DGKK: variants seen among roughly 807,000 people sequenced by gnomAD.
The protein encoded by DGKK is diacylglycerol kinase kappa.
In DGKK, 35 loss-of-function variants were observed where a neutral mutation model predicts 92.2. That is an observed-to-expected ratio of 0.38 (90% confidence interval 0.29 to 0.50). DGKK has a LOEUF of 0.50. DGKK is among the 20% of genes least tolerant of loss of function. The probability of loss-of-function intolerance (pLI) is 0.92; values close to 1 mark genes in which losing one functional copy is unlikely to be tolerated. For missense variants in DGKK, 910 were observed against 992.2 expected, an observed-to-expected ratio of 0.92 and a Z score of 1.11; for synonymous variants, 368 against 360.6, an observed-to-expected ratio of 1.02 and a Z score of -0.23.
At chrX:50,465,506 C>T (rs1385083366) in intron 1 of DGKK, among the ~76,000 whole-genome samples, 7 of 107,665 alleles carry the variant, frequency 6.5e-5, no homozygotes, top group African/African-American at 2.0e-4. Context: ...TTGGAAAGGT[C>T]GGGCACCCTA....
chrX:50,424,367 T>C lies in DGKK; in HGVS notation c.646-9A>G, dbSNP rs369795795. 1.2e-4 allele frequency: 140 copies of C among 1,192,662 alleles called. No individual in the cohort carries two copies. Among genetic ancestry groups the C allele is most frequent in the Non-Finnish European group, 1.5e-4 (133 of 879,956 alleles). On this transcript the variant is annotated splice_polypyrimidine_tract_variant and intron_variant, in intron 1 of 27. Coordinates refer to ENST00000611977, the MANE Select transcript of DGKK (RefSeq NM_001013742.4). ...CCTTCCTTCAATATTTTCTGAAAGA[T>C]AGAAGCATGGTGTTGAGCAATTAGA...
intron 1 of DGKK, among the ~76,000 whole-genome samples, chrX:50,453,171 C>A (rs1557232587): frequency 4.5e-5 from 5 of 111,297 alleles, no homozygotes; most frequent in Non-Finnish European, 1.9e-5. Context: ...GAACCTAGAT[C>A]ATTTCTAGGC....
chrX:50,388,143 G>T (rs1473653510), intron 13 of DGKK, among the ~76,000 whole-genome samples: 2 of 112,145 alleles, frequency 1.8e-5, no homozygotes, highest in Non-Finnish European at 3.8e-5. Context: ...TTAGAAGGGG[G>T]AATGTGTTCC....
chrX:50,404,046 T>A lies in DGKK; in HGVS notation c.1078+3A>T. On this transcript the variant is annotated splice_donor_region_variant and intron_variant, in intron 5 of 27. Transcript: ENST00000611977. ...TCACTTCCTAAAGGAATCAGAAAGG[T>A]ACCTTCACAGATGATGGCATCTCTA... 8.3e-7 allele frequency: 1 copy of A among 1,209,524 alleles called. No individual in the cohort carries two copies. The highest frequency in any genetic ancestry group is 1.8e-5 in the South Asian group (1 of 56,447).
At chrX:50,389,589 G>A (rs1924632674) in intron 12 of DGKK, among the ~76,000 whole-genome samples, 1 of 111,488 alleles carries the variant, frequency 9.0e-6, no homozygotes, top group East Asian at 2.8e-4. Flanking sequence ...AATAAGATAA[G>A]AAAAAAATCT....
intron 7 of DGKK, among the ~76,000 whole-genome samples, chrX:50,402,754 A>G (rs1925042100): frequency 8.9e-6 from 1 of 111,953 alleles, no homozygotes; most frequent in African/African-American, 3.2e-5. Context: ...TAGGTTTCTC[A>G]AAGGCAGACT....
In DGKK at chrX:50,470,489, C is replaced by G; in HGVS notation, c.190G>C (p.Gly64Arg). Reference protein sequence around the residue: ...IPEPCPELAPGPCPEATSESA... With the variant: ...IPEPCPELAPRPCPEATSESA... ...TCTGAGGTCGCCTCTGGACAGGGACCTGGAGCAAGCTCTGGACAGGGCTCT... is the reference window on the plus strand; with the variant it reads ...TCTGAGGTCGCCTCTGGACAGGGACGTGGAGCAAGCTCTGGACAGGGCTCT... Residue 64 changes from glycine to arginine, a missense_variant, in exon 1 of 28, where the codon GGT becomes CGT. Coordinates refer to ENST00000611977, the MANE Select transcript of DGKK (RefSeq NM_001013742.4). The G allele has an allele frequency of 8.2e-7, 1 of 1,212,352 alleles. No homozygotes were observed. Among genetic ancestry groups the G allele is most frequent in the Non-Finnish European group, 1.1e-6 (1 of 895,588 alleles).
chrX:50,397,884 C>T (rs1470901185), intron 8 of DGKK, among the ~76,000 whole-genome samples: 7 of 111,214 alleles, frequency 6.3e-5, no homozygotes, highest in Non-Finnish European at 9.4e-5. Context: ...GTGTTAGGTG[C>T]TTTGAGATAT....
Position 50,371,363 on chromosome X carries a change from A to G in DGKK, c.3612+361T>C, listed in dbSNP as rs1173078406. ...GGCCATACTGGTATGAACCAGATGA[A>G]GTTCAGTCCTGGCAGCAGGTGCTGA... is the stretch of plus-strand genomic sequence containing the variant. On this transcript the variant is annotated intron_variant, in intron 26 of 27. Coordinates refer to ENST00000611977, the MANE Select transcript of DGKK (RefSeq NM_001013742.4). 3.6e-5 allele frequency among the ~76,000 whole-genome samples: 4 copies of G among 112,204 alleles called. No individual in the cohort carries two copies. The East Asian group carries it at 1.1e-3, about 31-fold the overall frequency.
chrX:50,439,895 G>A (rs1557231139), intron 1 of DGKK, among the ~76,000 whole-genome samples: 1 of 111,230 alleles, frequency 9.0e-6, no homozygotes, highest in Non-Finnish European at 1.9e-5. Context: ...CATCAGAAGG[G>A]CTTCTGATGA....
chrX:50,370,476 A>G lies in DGKK; in HGVS notation c.3686T>C (p.Val1229Ala). The change falls in exon 27 of 28, where the codon GTA becomes GCA. Residue 1229 changes from valine (V) to alanine (A), a missense_variant. Val to Ala is a moderately conservative substitution (Grantham distance 64). Transcript: ENST00000611977. Reference protein sequence around the residue: ...IKFPKLGKKKVEEERKPKSGQ... With the variant: ...IKFPKLGKKKAEEERKPKSGQ... ...TGATTTAGGCTTGCGTTCCTCTTCT[A>G]CCTTTTTCTTTCCCAATTTGGGGAA... The G allele has an allele frequency of 8.4e-7, 1 of 1,193,126 alleles. No individual in the cohort carries two copies. The highest frequency in any genetic ancestry group is 1.1e-6 in the Non-Finnish European group (1 of 885,581).
intron 4 of DGKK, among the ~76,000 whole-genome samples, chrX:50,413,152 A>G (rs1925345855): frequency 9.0e-6 from 1 of 110,757 alleles, no homozygotes; most frequent in South Asian, 4.0e-4. Context: ...ATGGAAACTA[A>G]TCCCTGGTGC....
chrX:50,410,593 A>C (rs1478874226), intron 4 of DGKK, among the ~76,000 whole-genome samples: 5 of 111,989 alleles, frequency 4.5e-5, no homozygotes, highest in African/African-American at 1.6e-4. Context: ...ACAGAAATCC[A>C]ACTGGCAACT....
At chrX:50,401,596 AG>A (rs1925007263) in intron 7 of DGKK, among the ~76,000 whole-genome samples, 1 of 111,726 alleles carries the variant, frequency 9.0e-6, no homozygotes, top group Non-Finnish European at 1.9e-5. Context: ...GTTTTGCCCA[AG>A]GTCAAACAGC....
rs2147122536 is a variant in DGKK at position 50,386,549 on chromosome X, T to C, written c.2156A>G (p.Asp719Gly). Residue 719 changes from aspartate to glycine, a missense_variant, in exon 15 of 28, where the codon GAT becomes GGT. By Grantham distance (94) the Asp-to-Gly change is moderately conservative. Coordinates refer to ENST00000611977, the MANE Select transcript of DGKK (RefSeq NM_001013742.4). ...LMYDRLSVLI[D>G]VLAEEAAATS... is the part of the protein sequence containing the mutation. ...AGCTGCTGCCTCCTCAGCCAGGACA[T>C]CGATCAGGACACTGAGCCTATCATA... 1 of 1,210,849 alleles carries C rather than the reference T, an allele frequency of 8.3e-7. No homozygotes were observed. Among genetic ancestry groups the C allele is most frequent in the East Asian group, 3.0e-5 (1 of 33,791 alleles).
Position 50,420,420 on chromosome X carries a change from G to T in DGKK, c.925C>A (p.Gln309Lys), listed in dbSNP as rs781980858. The change falls in exon 4 of 28, where the codon CAG becomes AAG. Residue 309 changes from glutamine (Q) to lysine (K), a missense_variant. By Grantham distance (53) the Gln-to-Lys change is moderately conservative (BLOSUM62 1). Transcript: ENST00000611977. ...TTTCTTACCTTATAAATTTCTCCCT[G>T]TTGGATGGTTTTTATGATGTTAATC... Reference protein sequence around the residue: ...EWINIIKTIQQGEIYKIPAAE... With the variant: ...EWINIIKTIQKGEIYKIPAAE... 6.0e-5 allele frequency: 72 copies of T among 1,207,230 alleles called. No individual in the cohort carries two copies. The highest frequency in any genetic ancestry group is 7.4e-5 in the Non-Finnish European group (66 of 893,415).
At chrX:50,387,762 G>T in intron 13 of DGKK, 109 bp from the exon 14 acceptor site, 1 of 510,981 alleles carries the variant, frequency 2.0e-6, no homozygotes, top group Non-Finnish European at 3.2e-6. Flanking sequence ...TTCCTGATCT[G>T]TCCTCTTTCT....
At chrX:50,395,462 C>A (rs1405492709) in intron 8 of DGKK, among the ~76,000 whole-genome samples, 6 of 111,249 alleles carry the variant, frequency 5.4e-5, no homozygotes, top group African/African-American at 1.6e-4. Flanking sequence ...GCCAGAGGTC[C>A]TGGAATAAAC....
In DGKK at chrX:50,447,383, A is replaced by AT. The variant is rs1491501488; in HGVS notation, c.645+22650_645+22651insA. Among the ~76,000 whole-genome samples the AT allele has an allele frequency of 2.0e-3, 21 of 10,697 alleles. 1 individual carries two copies. Among genetic ancestry groups the AT allele is most frequent in the African/African-American group, 0.017 (19 of 1,117 alleles). 9.3% of individuals were successfully genotyped at this position (10,697 alleles called of 115,157 possible). On this transcript the variant is annotated intron_variant, in intron 1 of 27. Coordinates refer to ENST00000611977, the MANE Select transcript of DGKK (RefSeq NM_001013742.4). ...ATATATATATATTATATATATATATAATATATATATATTATATATATATAT... is the reference window on the plus strand; with the variant it reads ...ATATATATATATTATATATATATATATATATATATATATTATATATATATAT...
Sources: allele counts gnomAD v4.1 joint callset (sites outside exome capture counted in the v4.1 genomes callset), GRCh38; gene constraint gnomAD v4.1.1; transcripts MANE v1.5; gene names NCBI Gene and HGNC (gene_info 2026-07-23, HGNC 2026-07-21).